The following NSMF variants were observed in gnomAD, a reference collection of about 807,000 sequenced individuals.
NSMF encodes the protein NMDA receptor synaptonuclear signaling and neuronal migration factor, also known as nasal embryonic LHRH factor.
A neutral mutation model predicts 71.0 loss-of-function variants in NSMF; 31 were observed. That is an observed-to-expected ratio of 0.44 (90% confidence interval 0.33 to 0.59). The LOEUF (loss-of-function observed/expected upper bound fraction) is 0.59, where lower values mean the gene tolerates loss of function less well. Ranked by LOEUF, NSMF falls within the 20% of genes least tolerant of loss-of-function variation. NSMF has a pLI of 0.04. For missense variants in NSMF, 673 were observed against 740.5 expected, an observed-to-expected ratio of 0.91 and a Z score of 1.06; for synonymous variants, 345 against 287.1, an observed-to-expected ratio of 1.20 and a Z score of -2.04.
Position 137,449,246 on chromosome 9 carries a change from G to C in NSMF, c.*148C>G, listed in dbSNP as rs1457021375. 4 of 703,584 alleles carry C rather than the reference G, an allele frequency of 5.7e-6. No individual in the cohort carries two copies. Among genetic ancestry groups the C allele is most frequent in the Non-Finnish European group, 1.0e-5 (4 of 396,664 alleles). The allele number at this position is 703,584 out of a possible 1,614,324, so 43.6% of individuals were successfully genotyped here. ...GGTGCAGCGAGGACCGGAACCCACA[G>C]GGGGAACCTGAGCAACGTCTGAGGT... On this transcript the variant is annotated 3_prime_UTR_variant, in exon 16 of 16. Transcript: ENST00000371475.
Position 137,453,390 on chromosome 9 carries a change from G to C in NSMF, c.923-210C>G, listed in dbSNP as rs1564262955. 4 of 677,400 alleles carry C rather than the reference G, an allele frequency of 5.9e-6. No homozygotes were observed. Among genetic ancestry groups the C allele is most frequent in the Non-Finnish European group, 9.9e-6 (4 of 406,014 alleles). 42.0% of individuals were successfully genotyped at this position (677,400 alleles called of 1,614,324 possible). On this transcript the variant is annotated intron_variant, in intron 8 of 15. Coordinates refer to ENST00000371475, the MANE Select transcript of NSMF (RefSeq NM_001130969.3). The surrounding 1 kb of genome is among the most constrained non-coding windows in gnomAD (Gnocchi z 4.5). ...GATGTGGGAAGGGAGACCCTGGTGC[G>C]AGGCCGGTGGAAGGCGCGTGCAGGC...
At position 137,457,553 on chromosome 9, in the gene NSMF, C is replaced by T. The variant is rs377569084; in HGVS notation, c.482G>A (p.Arg161His). 70 of 1,591,502 alleles carry T rather than the reference C, an allele frequency of 4.4e-5. No homozygotes were observed. The highest frequency in any genetic ancestry group is 1.7e-4 in the Middle Eastern group (1 of 6,050). The change falls in exon 3 of 16, where the codon CGC (arginine) becomes CAC (histidine). Residue 161 changes from arginine (R) to histidine (H), a missense_variant. Physicochemically the swap from Arg to His is conservative, Grantham distance 29 (BLOSUM62 0). This residue lies in a region of NSMF where 471 missense variants were observed against 459.6 expected (regional missense o/e 1.02). Transcript: ENST00000371475. ...SRPCQSWAGS[R>H]QGSKECPGCA... The stretch of plus-strand genomic sequence containing the variant: ...TCCGGGGCACTCCTTGGAGCCCTGG[C>T]GGCTGCCCGCCCAGCTCTGGCAGGG...
chr9:137,457,119 T>G (rs1345691406), intron 3 of NSMF, among the ~76,000 whole-genome samples: 1 of 151,708 alleles, frequency 6.6e-6, no homozygotes, highest in African/African-American at 2.4e-5. Context: ...TCCCTTAAGA[T>G]CCTCCCAGGC....
intron 14 of NSMF, 115 bp from the exon 15 acceptor site, chr9:137,449,789 C>T: frequency 7.6e-7 from 1 of 1,307,552 alleles, no homozygotes; most frequent in Non-Finnish European, 1.1e-6. Context: ...CCTGGCTGGG[C>T]TCAGGCATAA....
intron 1 of NSMF, 130 bp from the exon 2 acceptor site, chr9:137,458,679 C>T (rs1831000272): frequency 1.1e-6 from 1 of 901,720 alleles, no homozygotes; most frequent in African/African-American, 1.6e-5. Context: ...GGTCGTCCCC[C>T]TCCGGGAGCC....
intron 4 of NSMF, among the ~76,000 whole-genome samples, chr9:137,456,105 G>A (rs1423086478): frequency 6.6e-6 from 1 of 152,214 alleles, no homozygotes; most frequent in African/African-American, 2.4e-5. Context: ...GCAGACACAG[G>A]CTGAGGAGAG....
intron 6 of NSMF, chr9:137,454,716 T>G (rs753002530): frequency 1.3e-6 from 2 of 1,505,306 alleles, no homozygotes; most frequent in Non-Finnish European, 1.8e-6. Context: ...ATTCCCAGGC[T>G]CTGACCTTCC....
At position 137,453,456 on chromosome 9, in the gene NSMF, G is replaced by C; in HGVS notation, c.922+275C>G. 1 of 603,048 alleles carries C rather than the reference G, an allele frequency of 1.7e-6. No individual in the cohort carries two copies. The highest frequency in any genetic ancestry group is 2.9e-6 in the Non-Finnish European group (1 of 342,388). The allele number at this position is 603,048 out of a possible 1,614,324, so 37.4% of individuals were successfully genotyped here. On this transcript the variant is annotated intron_variant, in intron 8 of 15. Transcript: ENST00000371475. This position sits in a 1 kb window ranked among gnomAD's most constrained non-coding sequence, Gnocchi z 4.5. ...GTCCGCCGGGCGCCTGGGAGGGAGT[G>C]GGGGCGGGCACCGCAGCCCCCTGCC...
Position 137,459,060 on chromosome 9 carries a change from C to A in NSMF, c.43G>T (p.Ala15Ser). Residue 15 changes from alanine to serine, a missense_variant, in exon 1 of 16, where the codon GCC becomes TCC. Physicochemically the swap from Ala to Ser is moderately conservative, Grantham distance 99. This residue lies in a region of NSMF where 471 missense variants were observed against 459.6 expected (regional missense o/e 1.02). Coordinates refer to ENST00000371475, the MANE Select transcript of NSMF (RefSeq NM_001130969.3). ...ACTTTGGCCGCCACCGAGGACATGG[C>A]CTCGCTCCTCAGCGCCCTCCTCCTG... ...ASRRRALRSEAMSSVAAKVRA... is the reference protein window; with the variant it reads ...ASRRRALRSESMSSVAAKVRA... 2 of 1,288,516 alleles carry A rather than the reference C, an allele frequency of 1.6e-6. No individual in the cohort carries two copies. Among genetic ancestry groups the A allele is most frequent in the Non-Finnish European group, 9.8e-7 (1 of 1,016,786 alleles). The allele number at this position is 1,288,516 out of a possible 1,614,324, so 79.8% of individuals were successfully genotyped here. A position where few individuals can be genotyped will look rare whatever the true frequency, so the allele number is the denominator to read the frequency against.
At position 137,457,804 on chromosome 9, in the gene NSMF, G is replaced by A. The variant is rs1830918443; in HGVS notation, c.231C>T (p.Gly77=). 1.3e-6 allele frequency: 2 copies of A among 1,558,306 alleles called. No homozygotes were observed. Among genetic ancestry groups the A allele is most frequent in the African/African-American group, 1.4e-5 (1 of 73,904 alleles). ...NKRRLSLVSN[G]CYEGSLSEEP... ...CCTCTGAGAGGCTGCCCTCGTAGCA[G>A]CCGTTGGAGACGAGGGACAGGCGGC... The change falls in exon 3 of 16, where the codon GGC becomes GGT. Residue 77 remains glycine, a synonymous_variant. Transcript: ENST00000371475.
At chr9:137,458,658 A>C in intron 1 of NSMF, 109 bp from the exon 2 acceptor site, 2 of 1,123,160 alleles carry the variant, frequency 1.8e-6, no homozygotes, top group South Asian at 2.6e-5. Context: ...GGCGTCTGGA[A>C]GGAGGGTCGG....
intron 12 of NSMF, among the ~76,000 whole-genome samples, chr9:137,451,161 T>C (rs1320708284): frequency 1.2e-4 from 1 of 8,550 alleles, no homozygotes; most frequent in African/African-American, 6.9e-4. Context: ...TGTTCTGCCC[T>C]CCACGCCTCT....
rs375662658 is a variant in NSMF at position 137,452,715 on chromosome 9, C to A, written c.1131+21G>T. 3.4e-5 allele frequency: 54 copies of A among 1,603,382 alleles called. No individual in the cohort carries two copies. The South Asian group carries it at 5.5e-4, about 16-fold the overall frequency. ...GCCGCAAGAGGGCATCTGTTGGGGG[C>A]AGGCCCGGGGCGGGACTCACGTAGA... is the stretch of plus-strand genomic sequence containing the variant. On this transcript the variant is annotated intron_variant, in intron 10 of 15. Transcript: ENST00000371475.
Position 137,457,415 on chromosome 9 carries a change from C to G in NSMF, c.620G>C (p.Arg207Pro), listed in dbSNP as rs201458494. The change falls in exon 3 of 16, where the codon CGT becomes CCT. Residue 207 changes from arginine to proline, a missense_variant. Transcript: ENST00000371475. ...KKLERMYSVD[R>P]VSDDIPIRTW... ...TGACACAAACCCCTCACCAGACACA[C>G]GGTCAACGCTGTACATCCTCTCCAG... is the stretch of plus-strand genomic sequence containing the variant. 5 of 1,612,918 alleles carry G rather than the reference C, an allele frequency of 3.1e-6. No individual in the cohort carries two copies. The South Asian group carries it at 4.4e-5, about 14-fold the overall frequency.
chr9:137,458,082 T>C (rs937124758), intron 2 of NSMF, among the ~76,000 whole-genome samples, 181 bp from the exon 3 acceptor site: 4 of 152,158 alleles, frequency 2.6e-5, no homozygotes, highest in Non-Finnish European at 4.4e-5. Flanking sequence ...CCTGAAGCTC[T>C]AGCATGTGCG....
rs1488258319 is a variant in NSMF at position 137,459,327 on chromosome 9, C to G, written c.-225G>C. 4 of 171,842 alleles carry G rather than the reference C, an allele frequency of 2.3e-5. No individual in the cohort carries two copies. The highest frequency in any genetic ancestry group is 9.6e-5 in the African/African-American group (4 of 41,738). The allele number at this position is 171,842 out of a possible 1,614,324, so 10.6% of individuals were successfully genotyped here. ...TGCCGCCGCTCCCGGGAGAGCGCTG[C>G]CCGAACCGAGGGCCGGCCCCGCCCA... On this transcript the variant is annotated 5_prime_UTR_variant, in exon 1 of 16. Coordinates refer to ENST00000371475, the MANE Select transcript of NSMF (RefSeq NM_001130969.3).
intron 2 of NSMF, among the ~76,000 whole-genome samples, chr9:137,458,224 A>C (rs1186195437): frequency 1.3e-5 from 2 of 152,138 alleles, no homozygotes; most frequent in Non-Finnish European, 2.9e-5. Flanking sequence ...TGGCCCCCAG[A>C]GGCAGTGGTG....
intron 5 of NSMF, 112 bp from the exon 6 acceptor site, chr9:137,455,419 C>A: frequency 1.5e-6 from 2 of 1,292,176 alleles, no homozygotes; most frequent in South Asian, 1.2e-5. Context: ...GCACGGGGCC[C>A]GGCAGAGGAG....
rs751222388 is a variant in NSMF, at chr9:137,455,402, G to A, written c.711-95C>T. ...GTGCGAGCAGAGGGCCCAGCAGGGC[G>A]TCTGGGGCACGGGGCCCGGCAGAGG... On this transcript the variant is annotated intron_variant, in intron 5 of 15. Transcript: ENST00000371475. 2,314 of 1,422,718 alleles carry A rather than the reference G, an allele frequency of 1.6e-3. 13 individuals are homozygous for A. The highest frequency in any genetic ancestry group is 1.1e-3 in the Non-Finnish European group (1,115 of 1,015,074). The allele number at this position is 1,422,718 out of a possible 1,614,324, so 88.1% of individuals were successfully genotyped here. A position where few individuals can be genotyped will look rare whatever the true frequency, so the allele number is the denominator to read the frequency against.
Sources: allele counts gnomAD v4.1 joint callset (sites outside exome capture counted in the v4.1 genomes callset), GRCh38; gene constraint gnomAD v4.1.1; regional missense constraint gnomAD v4.1.1; non-coding constraint Gnocchi (gnomAD v3.1); transcripts MANE v1.5; gene names NCBI Gene and HGNC (gene_info 2026-07-23, HGNC 2026-07-21).